PABPC4L: variants seen among roughly 807,000 people sequenced by gnomAD.
The protein encoded by PABPC4L is poly(A) binding protein cytoplasmic 4 like, also known as polyadenylate-binding protein 4-like.
For synonymous variants in PABPC4L, 169 were observed against 164.1 expected, an observed-to-expected ratio of 1.03 and a Z score of -0.23; for missense variants, 452 against 451.4, an observed-to-expected ratio of 1.00 and a Z score of -0.01.
At chr4:134,085,241 C>T in the PABPC4L span, among the ~76,000 whole-genome samples, 109,611 of 151,700 alleles carry the variant, frequency 0.72, 40,262 homozygotes, top group East Asian at 0.96. Flanking sequence ...TCACTGTTTT[C>T]ATAAACTTTT....
the PABPC4L span, among the ~76,000 whole-genome samples, chr4:134,082,303 T>G: frequency 0.017 from 2,639 of 152,220 alleles, 71 homozygotes; most frequent in African/African-American, 0.057. Context: ...GTTGTTTTCT[T>G]TTTTGAAAAA....
At chr4:134,137,773 C>T in the PABPC4L span, among the ~76,000 whole-genome samples, 1 of 151,808 alleles carries the variant, frequency 6.6e-6, no homozygotes, top group Admixed American at 6.6e-5. Context: ...GACTATTATG[C>T]AAACCTCTTA....
the PABPC4L span, among the ~76,000 whole-genome samples, chr4:134,011,792 C>A: frequency 2.0e-5 from 3 of 152,074 alleles, no homozygotes; most frequent in Non-Finnish European, 4.4e-5. Context: ...TAAAATCTTG[C>A]ATATTTCTTG....
At chr4:133,954,908 G>A in the PABPC4L span, among the ~76,000 whole-genome samples, 4 of 151,996 alleles carry the variant, frequency 2.6e-5, no homozygotes, top group Non-Finnish European at 5.9e-5. Context: ...AACAGGGGAG[G>A]ACAGAATGGT....
chr4:134,088,149 T>A, the PABPC4L span, among the ~76,000 whole-genome samples: 1 of 152,172 alleles, frequency 6.6e-6, no homozygotes, highest in Admixed American at 6.6e-5. Flanking sequence ...CCTCCTCATC[T>A]CCCTGTATCC....
the PABPC4L span, among the ~76,000 whole-genome samples, chr4:134,092,365 G>T: frequency 2.6e-4 from 40 of 152,058 alleles, no homozygotes; most frequent in Non-Finnish European, 4.9e-4. Flanking sequence ...AGGAGTTCAG[G>T]AAGGTTATCT....
At chr4:134,114,603 C>A in the PABPC4L span, among the ~76,000 whole-genome samples, 1 of 151,784 alleles carries the variant, frequency 6.6e-6, no homozygotes, top group African/African-American at 2.4e-5. Context: ...GCCTGCCTAC[C>A]AGACACTTGA....
chr4:134,112,455 T>A, the PABPC4L span, among the ~76,000 whole-genome samples: 1 of 152,066 alleles, frequency 6.6e-6, no homozygotes, highest in Non-Finnish European at 1.5e-5. Flanking sequence ...TATACAACAA[T>A]CTATTGACCA....
At chr4:134,066,281 C>A in the PABPC4L span, among the ~76,000 whole-genome samples, 1 of 152,002 alleles carries the variant, frequency 6.6e-6, no homozygotes, top group Non-Finnish European at 1.5e-5. Flanking sequence ...TAGCTCTATT[C>A]CTAGACATTT....
chr4:134,088,771 T>C, the PABPC4L span, among the ~76,000 whole-genome samples: 6 of 152,102 alleles, frequency 3.9e-5, no homozygotes. Context: ...ATTTCTGGTC[T>C]TTATAAATTA....
At chr4:134,065,194 T>G in the PABPC4L span, among the ~76,000 whole-genome samples, 2 of 152,102 alleles carry the variant, frequency 1.3e-5, no homozygotes, top group South Asian at 4.1e-4. Flanking sequence ...ATGACTGAAC[T>G]TATTTACATT....
At chr4:134,189,954 A>G in the PABPC4L span, among the ~76,000 whole-genome samples, 4 of 152,062 alleles carry the variant, frequency 2.6e-5, no homozygotes, top group Non-Finnish European at 5.9e-5. Flanking sequence ...CCTGGTAAGA[A>G]CCATAAAATA....
chr4:134,063,350 C>T, the PABPC4L span, among the ~76,000 whole-genome samples: 1 of 151,950 alleles, frequency 6.6e-6, no homozygotes, highest in Admixed American at 6.6e-5. Context: ...ATCTCATATC[C>T]TCTTGAACTC....
chr4:134,116,901 TA>T, the PABPC4L span, among the ~76,000 whole-genome samples: 8 of 151,884 alleles, frequency 5.3e-5, no homozygotes, highest in Admixed American at 2.0e-4. Flanking sequence ...TAATTAAATG[TA>T]TGCATCTACA....
the PABPC4L span, among the ~76,000 whole-genome samples, chr4:134,141,246 C>G: frequency 4.0e-5 from 6 of 151,334 alleles, no homozygotes; most frequent in African/African-American, 9.7e-5. Flanking sequence ...CCCCTGTGGA[C>G]AGAGGATGCA....
chr4:134,121,143 G>A, the PABPC4L span, among the ~76,000 whole-genome samples: 2 of 150,950 alleles, frequency 1.3e-5, no homozygotes, highest in African/African-American at 2.4e-5. Context: ...ATGATTTTTA[G>A]AATTCTCAAT....
At chr4:134,129,499 T>G in the PABPC4L span, among the ~76,000 whole-genome samples, 2 of 151,762 alleles carry the variant, frequency 1.3e-5, no homozygotes, top group South Asian at 4.2e-4. Flanking sequence ...TGGAATAAAA[T>G]TGGACATGAA....
chr4:134,131,780 AATTCTGGAGGCATTATATTACTCAAC>A, the PABPC4L span, among the ~76,000 whole-genome samples: 1 of 151,020 alleles, frequency 6.6e-6, no homozygotes, highest in Non-Finnish European at 1.5e-5. Flanking sequence ...AAAAAAGAAC[AATTCTGGAGGCATTATATTACTCAAC>A]TTCACACTTT....
the PABPC4L span, among the ~76,000 whole-genome samples, chr4:134,128,960 T>C: frequency 6.6e-6 from 1 of 151,872 alleles, no homozygotes; most frequent in African/African-American, 2.4e-5. Context: ...TCATATAAAC[T>C]TAAGGTAAAG....
Sources: allele counts gnomAD v4.1 joint callset (sites outside exome capture counted in the v4.1 genomes callset), GRCh38; gene constraint gnomAD v4.1.1; transcripts MANE v1.5; gene names NCBI Gene and HGNC (gene_info 2026-07-23, HGNC 2026-07-21).